SLC4A4: variants seen among roughly 807,000 people sequenced by gnomAD.
SLC4A4 encodes the protein solute carrier family 4 member 4.
In SLC4A4, 27 loss-of-function variants were observed where a neutral mutation model predicts 111.5. The ratio of observed to expected loss-of-function variants is 0.24; its 90% confidence interval spans 0.18 to 0.33. The LOEUF (loss-of-function observed/expected upper bound fraction) is 0.33, where lower values mean the gene tolerates loss of function less well. Ranked by LOEUF, SLC4A4 falls within the 10% of genes least tolerant of loss-of-function variation. SLC4A4 has a pLI of 1.00. For missense variants in SLC4A4, 909 were observed against 1,315.5 expected (o/e 0.69, Z 4.78); for synonymous variants, 443 against 463.4 (o/e 0.96, Z 0.57).
chr4:71,421,392 C>CTT (rs1722484613), intron 7 of SLC4A4, among the ~76,000 whole-genome samples: 1 of 152,154 alleles, frequency 6.6e-6, no homozygotes, highest in Non-Finnish European at 1.5e-5. Context: ...TAATGGGAGA[C>CTT]TTTAACACCC....
At chr4:71,409,054 C>T (rs925089388) in intron 7 of SLC4A4, among the ~76,000 whole-genome samples, 2 of 152,210 alleles carry the variant, frequency 1.3e-5, no homozygotes, top group Non-Finnish European at 1.5e-5. Flanking sequence ...TGCCTTTCAC[C>T]TCCCTCCATG....
At chr4:71,480,109 A>G (rs532639611) in intron 14 of SLC4A4, among the ~76,000 whole-genome samples, 1 of 150,622 alleles carries the variant, frequency 6.6e-6, no homozygotes, top group Admixed American at 6.6e-5. Flanking sequence ...GCAACTTCAA[A>G]CTACTGGGCT....
intron 2 of SLC4A4, among the ~76,000 whole-genome samples, chr4:71,241,548 A>G (rs1720224297): frequency 6.6e-6 from 1 of 152,188 alleles, no homozygotes; most frequent in Non-Finnish European, 1.5e-5. Flanking sequence ...TTACAATGGT[A>G]TAAAACGTAA....
intron 3 of SLC4A4, among the ~76,000 whole-genome samples, chr4:71,299,247 C>G (rs1725030582): frequency 6.6e-6 from 1 of 152,194 alleles, no homozygotes; most frequent in African/African-American, 2.4e-5. Flanking sequence ...CATTTGGAGA[C>G]AGGTGCTAAG....
chr4:71,514,645 C>T (rs1560577540), intron 16 of SLC4A4, among the ~76,000 whole-genome samples: 1 of 152,146 alleles, frequency 6.6e-6, no homozygotes, highest in Non-Finnish European at 1.5e-5. Context: ...TATTGGGAGA[C>T]ATTTTATTAC....
chr4:71,388,362 G>A (rs1044337731), intron 6 of SLC4A4, among the ~76,000 whole-genome samples: 1 of 152,104 alleles, frequency 6.6e-6, no homozygotes, highest in Non-Finnish European at 1.5e-5. Context: ...GGGACCACAG[G>A]TTCCTTGAAG....
At chr4:71,534,459 A>G in intron 18 of SLC4A4, 71 bp downstream of exon 18, 1 of 1,471,322 alleles carries the variant, frequency 6.8e-7, no homozygotes, top group African/African-American at 1.4e-5. Context: ...CTAATTGATT[A>G]AAAACCAAGG....
At chr4:71,241,803 C>T (rs1274043290) in intron 2 of SLC4A4, among the ~76,000 whole-genome samples, 2 of 152,154 alleles carry the variant, frequency 1.3e-5, no homozygotes, top group Non-Finnish European at 2.9e-5. Flanking sequence ...TAAAGAAATA[C>T]AGTGAGGTTT....
intron 12 of SLC4A4, among the ~76,000 whole-genome samples, chr4:71,460,648 A>T (rs1298928041): frequency 6.6e-6 from 1 of 152,134 alleles, no homozygotes; most frequent in Non-Finnish European, 1.5e-5. Context: ...GTAGCTACAC[A>T]GGGGAAATAA....
intron 16 of SLC4A4, among the ~76,000 whole-genome samples, chr4:71,522,496 G>A (rs1173130280): frequency 6.6e-6 from 1 of 152,126 alleles, no homozygotes; most frequent in Non-Finnish European, 1.5e-5. Context: ...GTGGCAAAAT[G>A]AAAACCATAG....
chr4:71,389,072 G>T (rs897165493), intron 6 of SLC4A4, among the ~76,000 whole-genome samples: 4 of 152,080 alleles, frequency 2.6e-5, no homozygotes, highest in Non-Finnish European at 5.9e-5. Flanking sequence ...GAATGAACAG[G>T]GTCTAGGGAA....
intron 2 of SLC4A4, among the ~76,000 whole-genome samples, chr4:71,138,999 G>C (rs1743922167): frequency 7.7e-6 from 1 of 130,326 alleles, no homozygotes; most frequent in Non-Finnish European, 1.5e-5. Flanking sequence ...TCGTGCCACT[G>C]CACTCCAGCC....
At chr4:71,401,781 A>G (rs945336165) in intron 7 of SLC4A4, among the ~76,000 whole-genome samples, 2 of 152,192 alleles carry the variant, frequency 1.3e-5, no homozygotes, top group Non-Finnish European at 2.9e-5. Context: ...TTCCAGGTTT[A>G]TTAATAATGC....
chr4:71,238,982 G>GT (rs1272152003), intron 2 of SLC4A4, among the ~76,000 whole-genome samples: 1 of 152,094 alleles, frequency 6.6e-6, no homozygotes, highest in African/African-American at 2.4e-5. Flanking sequence ...TGAGGGGAAT[G>GT]TTTTTTCCCA....
intron 1 of SLC4A4, among the ~76,000 whole-genome samples, chr4:71,087,585 A>C (rs903169390): frequency 6.6e-6 from 1 of 152,162 alleles, no homozygotes; most frequent in East Asian, 1.9e-4. Flanking sequence ...AATGTGTCCC[A>C]GAGATTCTGG....
At chr4:71,215,503 C>T (rs554249196) in intron 1 of SLC4A4, among the ~76,000 whole-genome samples, 2 of 152,200 alleles carry the variant, frequency 1.3e-5, no homozygotes, top group Non-Finnish European at 2.9e-5. Context: ...CCATCCACCT[C>T]GTTCCTTTCC....
intron 2 of SLC4A4, among the ~76,000 whole-genome samples, chr4:71,156,595 C>CACACACACACAT (rs1560749519): frequency 3.3e-5 from 5 of 150,062 alleles, no homozygotes; most frequent in African/African-American, 9.9e-5. Context: ...CGCGCACACA[C>CACACACACACAT]ACACACACAC....
chr4:71,534,107 T>G lies in SLC4A4; in HGVS notation c.2281-120T>G. The G allele has an allele frequency of 3.6e-6, 3 of 823,932 alleles. No homozygotes were observed. The East Asian group carries it at 7.8e-5, about 22-fold the overall frequency. The allele number at this position is 823,932 out of a possible 1,614,324, so 51.0% of individuals were successfully genotyped here. On this transcript the variant is annotated intron_variant, in intron 17 of 25. Coordinates refer to ENST00000264485, the MANE Select transcript of SLC4A4 (RefSeq NM_001098484.3). ...TCTTCATTCTCTAGCTCATAACTGT[T>G]TATATTTCTCAATATGTTGGTTATC...
chr4:71,474,371 T>G (rs1025962075), intron 14 of SLC4A4, among the ~76,000 whole-genome samples: 1 of 151,922 alleles, frequency 6.6e-6, no homozygotes, highest in Non-Finnish European at 1.5e-5. Flanking sequence ...GAAAAAGCTC[T>G]TAATGTTTAC....
Sources: gnomAD v4.1 joint callset for allele counts (sites outside exome capture counted in the v4.1 genomes callset) on GRCh38, gnomAD v4.1.1 for gene constraint, MANE v1.5 for transcripts, NCBI Gene and HGNC (gene_info 2026-07-23, HGNC 2026-07-21) for gene names.